The following ADTRP variants were observed in gnomAD, a reference collection of about 807,000 sequenced individuals.
The protein encoded by ADTRP is androgen-dependent TFPI-regulating protein.
Under a neutral mutation model 27.0 loss-of-function variants are expected in ADTRP, and 20 were observed. That is an observed-to-expected ratio of 0.74 (90% CI 0.52 to 1.08). ADTRP has a LOEUF of 1.08. ADTRP is among the 50% of genes least tolerant of loss of function. The pLI is 0.00. For synonymous variants in ADTRP, 101 were observed against 105.2 expected (o/e 0.96, Z 0.25); for missense variants, 251 against 275.0 (o/e 0.91, Z 0.62).
At position 11,753,319 on chromosome 6, in the gene ADTRP, T is replaced by C. The variant is rs538231927; in HGVS notation, c.390+12955A>G. ...GTGAAGGGGCATTTGTGAATAGATT[T>C]GAGTTACCAGATGGTCCATTTCCTG... is the stretch of plus-strand genomic sequence containing the variant. On this transcript the variant is annotated intron_variant, in intron 3 of 5. Coordinates refer to ENST00000414691, the MANE Select transcript of ADTRP (RefSeq NM_032744.4). Among the ~76,000 whole-genome samples the C allele has an allele frequency of 2.0e-5, 3 of 152,328 alleles. No individual in the cohort carries two copies. In the East Asian group the frequency reaches 5.8e-4, roughly 29 times the overall value.
intron 1 of ADTRP, among the ~76,000 whole-genome samples, chr6:11,768,976 C>T (rs894233579): frequency 1.3e-5 from 2 of 152,006 alleles, no homozygotes; most frequent in Non-Finnish European, 1.5e-5. Context: ...ACAATCTGGC[C>T]GTGGCAGCAA....
chr6:11,748,598 G>T (rs373689461), intron 3 of ADTRP, among the ~76,000 whole-genome samples: 1 of 152,172 alleles, frequency 6.6e-6, no homozygotes, highest in East Asian at 1.9e-4. Context: ...CACAATATGT[G>T]CTATGAAGGA....
intron 3 of ADTRP, among the ~76,000 whole-genome samples, chr6:11,749,286 T>C (rs572605998): frequency 6.6e-6 from 1 of 152,182 alleles, no homozygotes; most frequent in Non-Finnish European, 1.5e-5. Flanking sequence ...GATGAGAATA[T>C]AATGTATTCA....
At chr6:11,735,864 A>C in intron 3 of ADTRP, 181 bp from the exon 4 acceptor site, 1 of 554,892 alleles carries the variant, frequency 1.8e-6, no homozygotes, top group East Asian at 3.0e-5. Context: ...CATTAGTCCA[A>C]ACTCCTCTGT....
At chr6:11,769,426 C>T (rs569575660) in intron 1 of ADTRP, among the ~76,000 whole-genome samples, 13 of 152,042 alleles carry the variant, frequency 8.6e-5, no homozygotes, top group Non-Finnish European at 1.6e-4. Flanking sequence ...GGGCTGAGGG[C>T]GTAGGCAGGA....
At chr6:11,739,100 A>G (rs1048916189) in intron 3 of ADTRP, among the ~76,000 whole-genome samples, 2 of 152,136 alleles carry the variant, frequency 1.3e-5, no homozygotes, top group African/African-American at 4.8e-5. Flanking sequence ...TTTTGCTTCC[A>G]AAAAATCTAA....
intron 4 of ADTRP, among the ~76,000 whole-genome samples, chr6:11,731,630 C>T (rs210895): frequency 0.73 from 110,986 of 151,958 alleles, 40,959 homozygotes; most frequent in Admixed American, 0.8. Flanking sequence ...TTTTGTTTAC[C>T]TTCTCTCATT....
chr6:11,748,147 A>G (rs1031486770), intron 3 of ADTRP, among the ~76,000 whole-genome samples: 5 of 152,194 alleles, frequency 3.3e-5, no homozygotes, highest in African/African-American at 1.2e-4. Flanking sequence ...TGATTAGACC[A>G]CGTGTCTCAG....
rs183557187 is a variant in ADTRP, at chr6:11,775,449, G to A, written c.153+3158C>T. ...AGAAGTGCCTAGCCCAGGGTCTCGGGGGCAGTAAGCAGTGGGACTGAGGTA... is the reference window on the plus strand; with the variant it reads ...AGAAGTGCCTAGCCCAGGGTCTCGGAGGCAGTAAGCAGTGGGACTGAGGTA... On this transcript the variant is annotated intron_variant, in intron 1 of 5. Transcript: ENST00000414691. 2.9e-4 allele frequency among the ~76,000 whole-genome samples: 44 copies of A among 151,948 alleles called. No individual in the cohort carries two copies. The East Asian group carries it at 7.9e-3, about 27-fold the overall frequency.
At chr6:11,719,649 T>C (rs1360298634) in intron 5 of ADTRP, among the ~76,000 whole-genome samples, 1 of 152,194 alleles carries the variant, frequency 6.6e-6, no homozygotes, top group African/African-American at 2.4e-5. Flanking sequence ...TGACTTCAAA[T>C]TGGGCCACTG....
At chr6:11,730,564 T>C (rs1304943677) in intron 4 of ADTRP, among the ~76,000 whole-genome samples, 2 of 152,258 alleles carry the variant, frequency 1.3e-5, no homozygotes, top group Non-Finnish European at 2.9e-5. Context: ...CAGTTTTTAA[T>C]GTATTCTCAG....
At chr6:11,760,664 T>C (rs1320074987) in intron 3 of ADTRP, among the ~76,000 whole-genome samples, 1 of 152,184 alleles carries the variant, frequency 6.6e-6, no homozygotes, top group Non-Finnish European at 1.5e-5. Context: ...AAAGCTACCC[T>C]ACATGTGTCC....
intron 4 of ADTRP, among the ~76,000 whole-genome samples, chr6:11,732,348 G>C (rs1581323511): frequency 6.6e-6 from 1 of 152,158 alleles, no homozygotes. Flanking sequence ...CCTCATTCGT[G>C]TTATGCCATT....
chr6:11,741,721 TAAA>T (rs66700409), intron 3 of ADTRP, among the ~76,000 whole-genome samples: 2,115 of 151,148 alleles, frequency 0.014, 60 homozygotes, highest in African/African-American at 0.048. Flanking sequence ...AGATTTTTTT[TAAA>T]AAAAAAAGAT....
At chr6:11,758,420 G>T (rs1420438244) in intron 3 of ADTRP, among the ~76,000 whole-genome samples, 1 of 151,988 alleles carries the variant, frequency 6.6e-6, no homozygotes, top group Non-Finnish European at 1.5e-5. Context: ...TTTCTCCATG[G>T]TCTCTAAAGA....
At chr6:11,765,974 T>C (rs563301708) in intron 3 of ADTRP, among the ~76,000 whole-genome samples, 23 of 152,266 alleles carry the variant, frequency 1.5e-4, no homozygotes, top group African/African-American at 5.5e-4. Context: ...TTATGACATA[T>C]TTGCAGAAGT....
intron 3 of ADTRP, 44 bp downstream of exon 3, chr6:11,766,230 A>G (rs1763567025): frequency 7.0e-7 from 1 of 1,434,448 alleles, no homozygotes; most frequent in Admixed American, 1.9e-5. Flanking sequence ...TTCAGTACAG[A>G]GGCTATTGGT....
chr6:11,774,311 A>AAAATAAATAAATAAATAAATAAATAAAT (rs140361069), intron 1 of ADTRP, among the ~76,000 whole-genome samples: 6 of 144,614 alleles, frequency 4.1e-5, no homozygotes, highest in Non-Finnish European at 9.0e-5. Context: ...TTCCATCTCA[A>AAAATAAATAAATAAATAAATAAATAAAT]AAATAAATAA....
At chr6:11,762,937 A>G (rs757861725) in intron 3 of ADTRP, among the ~76,000 whole-genome samples, 3 of 152,148 alleles carry the variant, frequency 2.0e-5, no homozygotes, top group African/African-American at 2.4e-5. Flanking sequence ...CTCTGATTCT[A>G]TCTTTAGTAG....
Sources: allele counts gnomAD v4.1 joint callset (sites outside exome capture counted in the v4.1 genomes callset), GRCh38; gene constraint gnomAD v4.1.1; transcripts MANE v1.5; gene names NCBI Gene and HGNC (gene_info 2026-07-23, HGNC 2026-07-21).